The following NBDY variants were observed in gnomAD, a reference collection of about 807,000 sequenced individuals.
NBDY encodes the protein P-body dissociating protein.
At chrX:56,814,211 T>G (rs985230704) in intron 2 of NBDY, among the ~76,000 whole-genome samples, 1 of 111,225 alleles carries the variant, frequency 9.0e-6, no homozygotes, top group Admixed American at 9.6e-5. Flanking sequence ...TTATCTTCTT[T>G]TAATTTCATG....
chrX:56,733,711 C>G (rs1242992380), intron 2 of NBDY, among the ~76,000 whole-genome samples: 1 of 112,038 alleles, frequency 8.9e-6, no homozygotes, highest in Non-Finnish European at 1.9e-5. Context: ...TTCCAAAGAG[C>G]AATGTGTCTT....
At chrX:56,756,776 C>G (rs916874374) in intron 2 of NBDY, among the ~76,000 whole-genome samples, 7 of 110,929 alleles carry the variant, frequency 6.3e-5, no homozygotes, top group African/African-American at 2.3e-4. Context: ...ACTAGGCTGT[C>G]CAACATGGTG....
chrX:56,738,364 G>A lies in NBDY; in HGVS notation c.*166+6165G>A, dbSNP rs180703256. Among the ~76,000 whole-genome samples, 3 of 111,850 alleles carry A rather than the reference G, an allele frequency of 2.7e-5. No individual in the cohort carries two copies. In the East Asian group the frequency reaches 8.4e-4, roughly 31 times the overall value. The stretch of plus-strand genomic sequence containing the variant: ...AAATGTATTGGGATTTTTTCTCACC[G>A]ACAGGCAAGTAAACAATTCTGCAGT... On this transcript the variant is annotated intron_variant, in intron 2 of 2. Transcript: ENST00000374922.
intron 2 of NBDY, among the ~76,000 whole-genome samples, chrX:56,758,316 GA>G (rs757268190): frequency 0.52 from 42,079 of 81,152 alleles, 8,461 homozygotes; most frequent in East Asian, 0.73. Flanking sequence ...ACTCTGTCTC[GA>G]AAAAAAAAAA....
chrX:56,791,665 T>C (rs1250812463), intron 2 of NBDY, among the ~76,000 whole-genome samples: 2 of 112,256 alleles, frequency 1.8e-5, no homozygotes, highest in East Asian at 5.6e-4. Flanking sequence ...TCATTATGTA[T>C]GTCACCATGC....
intron 2 of NBDY, among the ~76,000 whole-genome samples, chrX:56,755,003 G>C (rs1479051995): frequency 1.8e-5 from 2 of 111,526 alleles, no homozygotes; most frequent in African/African-American, 6.5e-5. Context: ...ACAACCATCT[G>C]ATCTTTGACA....
chrX:56,753,643 CAA>C (rs958823779), intron 2 of NBDY, among the ~76,000 whole-genome samples: 1 of 109,287 alleles, frequency 9.2e-6, no homozygotes, highest in African/African-American at 3.3e-5. Flanking sequence ...ACTGAATTGA[CAA>C]AAAAAAGTAA....
intron 2 of NBDY, among the ~76,000 whole-genome samples, chrX:56,733,007 T>C (rs950924929): frequency 4.0e-4 from 45 of 111,288 alleles, no homozygotes; most frequent in African/African-American, 1.4e-3. Context: ...ACTTTCCTTT[T>C]ATTGTTCTTT....
chrX:56,762,211 C>T (rs755745821), intron 2 of NBDY, among the ~76,000 whole-genome samples: 6 of 111,356 alleles, frequency 5.4e-5, no homozygotes, highest in Admixed American at 1.9e-4. Context: ...ATGAAGCTGC[C>T]ATTTCTTGTT....
chrX:56,782,240 C>G (rs1352216215), intron 2 of NBDY, among the ~76,000 whole-genome samples: 2 of 91,539 alleles, frequency 2.2e-5, no homozygotes, highest in Non-Finnish European at 4.4e-5. Context: ...CTTCCTCTTC[C>G]TCCTCCTACT....
intron 2 of NBDY, among the ~76,000 whole-genome samples, chrX:56,767,620 G>C (rs1219938983): frequency 8.8e-6 from 1 of 113,496 alleles, no homozygotes; most frequent in Non-Finnish European, 1.9e-5. Context: ...AGGGCAGTGA[G>C]GGGCTTAGCA....
intron 1 of NBDY, among the ~76,000 whole-genome samples, chrX:56,731,083 CA>C (rs1471500799): frequency 9.3e-6 from 1 of 107,056 alleles, no homozygotes; most frequent in East Asian, 2.9e-4. Context: ...CTTTGGCGAC[CA>C]AAAAAGTTTT....
chrX:56,742,043 T>C (rs188234058), intron 2 of NBDY, among the ~76,000 whole-genome samples: 1 of 112,098 alleles, frequency 8.9e-6, no homozygotes, highest in African/African-American at 3.2e-5. Context: ...TTCATTCTTC[T>C]GCATATGGAT....
chrX:56,735,841 A>T (rs1354385557), intron 2 of NBDY, among the ~76,000 whole-genome samples: 1 of 110,414 alleles, frequency 9.1e-6, no homozygotes. Flanking sequence ...CCTTGTCACA[A>T]TGTGACCTGA....
intron 2 of NBDY, among the ~76,000 whole-genome samples, chrX:56,763,100 C>A (rs1326858427): frequency 8.9e-6 from 1 of 112,766 alleles, no homozygotes; most frequent in African/African-American, 3.2e-5. Context: ...GATTGATGGG[C>A]AACTCTCGCC....
intron 1 of NBDY, among the ~76,000 whole-genome samples, chrX:56,729,912 A>T (rs1433376231): frequency 1.8e-5 from 2 of 110,469 alleles, no homozygotes; most frequent in Non-Finnish European, 1.9e-5. Context: ...TCATGAGTTG[A>T]TAATTTAAAG....
chrX:56,794,609 A>T (rs1345990039), intron 2 of NBDY, among the ~76,000 whole-genome samples: 1 of 90,321 alleles, frequency 1.1e-5, no homozygotes, highest in Non-Finnish European at 2.2e-5. Flanking sequence ...TCCCACCCTT[A>T]GGCGGTGGCA....
intron 2 of NBDY, among the ~76,000 whole-genome samples, chrX:56,782,853 T>C (rs973243897): frequency 1.8e-5 from 2 of 111,180 alleles, no homozygotes; most frequent in African/African-American, 3.3e-5. Flanking sequence ...ACACAATACA[T>C]ACACTCACAA....
At chrX:56,797,254 T>G (rs2069797235) in intron 2 of NBDY, among the ~76,000 whole-genome samples, 1 of 108,410 alleles carries the variant, frequency 9.2e-6, no homozygotes. Flanking sequence ...CTTTTTGCCT[T>G]CTTTTTCTTT....
Sources: gnomAD v4.1 joint callset for allele counts (sites outside exome capture counted in the v4.1 genomes callset) on GRCh38, gnomAD v4.1.1 for gene constraint, MANE v1.5 for transcripts, NCBI Gene and HGNC (gene_info 2026-07-23, HGNC 2026-07-21) for gene names.